The following CINP variants were observed in gnomAD, a reference collection of about 807,000 sequenced individuals.
CINP encodes the protein cyclin-dependent kinase 2-interacting protein.
CINP carries 11 observed loss-of-function variants against 20.5 expected under a neutral mutation model. The ratio of observed to expected loss-of-function variants is 0.54; its 90% confidence interval spans 0.34 to 0.89. The LOEUF is 0.89. CINP is among the 40% of genes least tolerant of loss of function. CINP has a pLI of 0.02. For synonymous variants in CINP, 108 were observed against 102.1 expected, an observed-to-expected ratio of 1.06 and a Z score of -0.35; for missense variants, 213 against 251.0, an observed-to-expected ratio of 0.85 and a Z score of 1.02.
At position 102,348,760 on chromosome 14, in the gene CINP, C is replaced by G. The variant is rs1181028310; in HGVS notation, c.437-1G>C. Reference sequence around the variant, plus strand: ...TCCAAGAGCTTATGCGAAACCTCATCTGAAAGAAACGTGAATCTCCCTTAA... The same window carrying G: ...TCCAAGAGCTTATGCGAAACCTCATGTGAAAGAAACGTGAATCTCCCTTAA... On this transcript the variant is annotated splice_acceptor_variant, in intron 4 of 4. Coordinates refer to ENST00000216756, the MANE Select transcript of CINP (RefSeq NM_032630.3). LOFTEE classifies it high-confidence loss of function. The G allele has an allele frequency of 1.2e-6, 2 of 1,612,474 alleles. No individual in the cohort carries two copies. The highest frequency in any genetic ancestry group is 2.2e-5 in the South Asian group (2 of 90,736).
Position 102,351,450 on chromosome 14 carries a change from A to C in CINP, c.307-1402T>G, listed in dbSNP as rs1193109002. ...ATTTGTGAAGCACCTACTTGGAGAT[A>C]TATAAGGGTTGGATAAAGAAAATTA... On this transcript the variant is annotated intron_variant, in intron 3 of 4. Transcript: ENST00000216756. The surrounding 1 kb of genome is among the most constrained non-coding windows in gnomAD (Gnocchi z 4.2). Among the ~76,000 whole-genome samples, 3 of 152,200 alleles carry C rather than the reference A, an allele frequency of 2.0e-5. No homozygotes were observed. The highest frequency in any genetic ancestry group is 4.4e-5 in the Non-Finnish European group (3 of 68,046).
At chr14:102,355,550 C>A in intron 3 of CINP, 1 of 494,690 alleles carries the variant, frequency 2.0e-6, no homozygotes. Flanking sequence ...TGTGATGAGC[C>A]CTGAAAGTGG....
chr14:102,359,227 AATATATATATAT>A (rs10632205), intron 2 of CINP, among the ~76,000 whole-genome samples, 180 bp downstream of exon 2: 8 of 115,424 alleles, frequency 6.9e-5, no homozygotes, highest in East Asian at 2.3e-4. Flanking sequence ...TAAATAACTA[AATATATATATAT>A]ATATATATAT....
At chr14:102,355,574 G>C (rs989794684) in intron 3 of CINP, 194 bp downstream of exon 3, 16 of 540,446 alleles carry the variant, frequency 3.0e-5, no homozygotes, top group African/African-American at 2.9e-4. Flanking sequence ...ACATTTCCCC[G>C]GATGACGCAC....
intron 3 of CINP, 99 bp downstream of exon 3, chr14:102,355,669 G>A: frequency 1.5e-6 from 2 of 1,353,394 alleles, no homozygotes; most frequent in Non-Finnish European, 2.1e-6. Flanking sequence ...AGAGGAGACT[G>A]AGAAGGAGTA....
chr14:102,352,585 T>A (rs1427460756), intron 3 of CINP: 1 of 454,714 alleles, frequency 2.2e-6, no homozygotes, highest in African/African-American at 2.0e-5. Flanking sequence ...ATAGGAAAAA[T>A]AATAATACCC....
Position 102,359,584 on chromosome 14 carries a change from T to C in CINP, c.11A>G (p.Lys4Arg). The C allele has an allele frequency of 1.2e-6, 2 of 1,608,168 alleles. No homozygotes were observed. The highest frequency in any genetic ancestry group is 1.7e-6 in the Non-Finnish European group (2 of 1,177,114). ...TCTGGGCGTTACAGTTCCAAGAGTC[T>C]TTGCTGATAGGGTATAAAAGAAACA... MEA[K>R]TLGTVTPRKP... The change falls in exon 2 of 5, where the codon AAG becomes AGG. Residue 4 changes from lysine to arginine, a missense_variant. Transcript: ENST00000216756.
chr14:102,354,061 A>C (rs1317263732), intron 3 of CINP, among the ~76,000 whole-genome samples: 1 of 152,240 alleles, frequency 6.6e-6, no homozygotes. Flanking sequence ...TGCATTCCAC[A>C]GCGAGACCTT....
intron 4 of CINP, among the ~76,000 whole-genome samples, chr14:102,349,620 C>A (rs1040247479): frequency 2.6e-5 from 4 of 152,144 alleles, no homozygotes; most frequent in Non-Finnish European, 5.9e-5. Flanking sequence ...CCTTTCCCCC[C>A]CTCAAAATGA....
chr14:102,355,951 T>C (rs1886990911), intron 2 of CINP, 54 bp from the exon 3 acceptor site: 6 of 1,576,782 alleles, frequency 3.8e-6, no homozygotes, highest in Non-Finnish European at 5.2e-6. Flanking sequence ...GCTTGCCTTA[T>C]TTCCTTATAA....
At chr14:102,356,693 T>C (rs965399423) in intron 2 of CINP, among the ~76,000 whole-genome samples, 6 of 152,248 alleles carry the variant, frequency 3.9e-5, no homozygotes, top group Non-Finnish European at 8.8e-5. Context: ...CTATCATATT[T>C]TGGTAATTCT....
intron 2 of CINP, 76 bp downstream of exon 2, chr14:102,359,343 T>A: frequency 8.9e-7 from 1 of 1,126,992 alleles, no homozygotes; most frequent in East Asian, 2.6e-5. Flanking sequence ...ATATTTTATT[T>A]TAAAATTTAT....
In CINP at chr14:102,355,518, GAA is replaced by G. The variant is rs113572507; in HGVS notation, c.306+248_306+249del. On this transcript the variant is annotated intron_variant, in intron 3 of 4. Transcript: ENST00000216756. ...CGACAAAGCAAGACTCCATATCATG[GAA>G]AAAAAAAAAAAATTTACTATGTGAT... 892 of 303,100 alleles carry G rather than the reference GAA, an allele frequency of 2.9e-3. 4 individuals carry two copies. Among genetic ancestry groups the G allele is most frequent in the African/African-American group, 9.4e-3 (418 of 44,494 alleles). 18.8% of individuals were successfully genotyped at this position (303,100 alleles called of 1,614,324 possible). A position where few individuals can be genotyped will look rare whatever the true frequency, so the allele number is the denominator to read the frequency against.
intron 3 of CINP, among the ~76,000 whole-genome samples, chr14:102,354,210 T>C (rs1886941884): frequency 6.6e-6 from 1 of 152,242 alleles, no homozygotes; most frequent in Admixed American, 6.5e-5. Flanking sequence ...TCTTCACATC[T>C]GGTGGCCAGT....
At chr14:102,362,097 C>CAGT (rs1887177666) in intron 1 of CINP, among the ~76,000 whole-genome samples, 1 of 152,176 alleles carries the variant, frequency 6.6e-6, no homozygotes, top group Admixed American at 6.5e-5. Flanking sequence ...TAGCTCTTAC[C>CAGT]ACCTGTTCTA....
rs1000545288 is a variant in CINP at position 102,359,469 on chromosome 14, A to G, written c.126T>C (p.Asp42=). ...TATTATTTGCAGTGGTAAAACCTGC[A>G]TCATTGAGGGTTTCCCACTTCAGGA... The part of the protein sequence containing the change: ...NLILKWETLN[D]AGFTTANNIA... The change falls in exon 2 of 5, where the codon GAT becomes GAC. Residue 42 remains aspartate (D), a synonymous_variant. Transcript: ENST00000216756. 6.2e-7 allele frequency: 1 copy of G among 1,611,508 alleles called. No individual in the cohort carries two copies. Among genetic ancestry groups the G allele is most frequent in the Non-Finnish European group, 8.5e-7 (1 of 1,178,702 alleles).
chr14:102,349,605 T>C (rs1275331267), intron 4 of CINP, among the ~76,000 whole-genome samples: 2 of 152,148 alleles, frequency 1.3e-5, no homozygotes, highest in African/African-American at 4.8e-5. Flanking sequence ...AAAAACTCCT[T>C]TCTTCCTTTC....
At chr14:102,359,642 G>T in intron 1 of CINP, 55 bp from the exon 2 acceptor site, 1 of 1,344,356 alleles carries the variant, frequency 7.4e-7, no homozygotes, top group Non-Finnish European at 1.0e-6. Flanking sequence ...AATCATAGTT[G>T]GAGGGCAAAT....
At chr14:102,350,461 G>A (rs757858177) in intron 3 of CINP, among the ~76,000 whole-genome samples, 15 of 145,676 alleles carry the variant, frequency 1.0e-4, no homozygotes, top group Non-Finnish European at 1.8e-4. Flanking sequence ...AGCCTCAACC[G>A]CTGGCACCTC....
Sources: gnomAD v4.1 joint callset for allele counts (sites outside exome capture counted in the v4.1 genomes callset) on GRCh38, gnomAD v4.1.1 for gene constraint, Gnocchi (gnomAD v3.1) non-coding constraint, MANE v1.5 for transcripts, NCBI Gene and HGNC (gene_info 2026-07-23, HGNC 2026-07-21) for gene names.